The following RABGAP1L variants were observed in gnomAD, a reference collection of about 807,000 sequenced individuals.
RABGAP1L encodes the protein RAB GTPase activating protein 1 like.
RABGAP1L carries 63 observed loss-of-function variants against 137.7 expected under a neutral mutation model. The observed-to-expected ratio is 0.46, with a 90% CI of 0.37 to 0.56. The LOEUF (loss-of-function observed/expected upper bound fraction) is 0.56. RABGAP1L is among the 20% of genes least tolerant of loss of function. The pLI is 0.00. For missense variants in RABGAP1L, 1,095 were observed against 1,244.0 expected (o/e 0.88, Z 1.80); for synonymous variants, 431 against 433.7 (o/e 0.99, Z 0.08).
intron 17 of RABGAP1L, among the ~76,000 whole-genome samples, chr1:174,720,767 G>A (rs1681464635): frequency 1.3e-5 from 2 of 152,304 alleles, no homozygotes; most frequent in South Asian, 2.1e-4. Flanking sequence ...AGAGAGGAGG[G>A]ATTGACGAGT....
At chr1:174,180,086 C>T (rs75087784) in intron 1 of RABGAP1L, among the ~76,000 whole-genome samples, 6,462 of 152,194 alleles carry the variant, frequency 0.042, 472 homozygotes, top group African/African-American at 0.15. Context: ...TTGAGATTTC[C>T]ATAAGGGATA....
chr1:174,415,261 A>C (rs1650416139), intron 13 of RABGAP1L, among the ~76,000 whole-genome samples: 1 of 152,032 alleles, frequency 6.6e-6, no homozygotes, highest in South Asian at 2.1e-4. Flanking sequence ...AAATCTTTAC[A>C]TTTTCTAGAT....
At chr1:174,931,365 C>T (rs995755583) in intron 19 of RABGAP1L, among the ~76,000 whole-genome samples, 1 of 152,240 alleles carries the variant, frequency 6.6e-6, no homozygotes, top group African/African-American at 2.4e-5. Context: ...GAAGTCATTC[C>T]TTATGACTTC....
At chr1:174,250,996 TC>T (rs1470016718) in intron 6 of RABGAP1L, among the ~76,000 whole-genome samples, 2 of 152,360 alleles carry the variant, frequency 1.3e-5, no homozygotes, top group African/African-American at 4.8e-5. Context: ...AGACGGGGTT[TC>T]ACCCCGTTGG....
At chr1:174,162,753 C>CTTTTTT (rs971302832) in intron 1 of RABGAP1L, among the ~76,000 whole-genome samples, 5 of 37,158 alleles carry the variant, frequency 1.3e-4, no homozygotes, top group South Asian at 8.8e-4. Flanking sequence ...GCTGGTATTT[C>CTTTTTT]TTTTTTTTTT....
chr1:174,808,286 C>T (rs896013227), intron 18 of RABGAP1L, among the ~76,000 whole-genome samples: 2 of 151,762 alleles, frequency 1.3e-5, no homozygotes, highest in African/African-American at 4.8e-5. Context: ...CGTGCCCAGC[C>T]AAAAAAGAAT....
intron 14 of RABGAP1L, among the ~76,000 whole-genome samples, chr1:174,657,037 C>T (rs1676022192): frequency 6.6e-6 from 1 of 152,158 alleles, no homozygotes; most frequent in Admixed American, 6.6e-5. Context: ...GAGCATTGCT[C>T]TCTAAGTTCT....
intron 13 of RABGAP1L, among the ~76,000 whole-genome samples, chr1:174,572,498 T>C (rs1224359214): frequency 6.6e-6 from 1 of 152,120 alleles, no homozygotes; most frequent in Non-Finnish European, 1.5e-5. Flanking sequence ...CAATTCTATC[T>C]CAGCCTCCTG....
intron 14 of RABGAP1L, among the ~76,000 whole-genome samples, chr1:174,669,752 A>G (rs1345393930): frequency 6.6e-6 from 1 of 152,136 alleles, no homozygotes; most frequent in Non-Finnish European, 1.5e-5. Flanking sequence ...TCCACATTGT[A>G]TGTTCTTAGT....
chr1:174,743,947 AAAGG>A (rs1273717103), intron 17 of RABGAP1L, among the ~76,000 whole-genome samples: 2 of 151,622 alleles, frequency 1.3e-5, no homozygotes, highest in African/African-American at 4.8e-5. Flanking sequence ...AAGCTAGAGG[AAAGG>A]AAGGGTGGGA....
At chr1:174,915,941 T>C (rs1162062914) in intron 19 of RABGAP1L, among the ~76,000 whole-genome samples, 2 of 152,154 alleles carry the variant, frequency 1.3e-5, no homozygotes, top group Non-Finnish European at 2.9e-5. Flanking sequence ...TTTTTTTCTT[T>C]TATGGATTAT....
chr1:174,689,086 G>GT (rs1158562740), intron 15 of RABGAP1L, among the ~76,000 whole-genome samples: 1 of 151,820 alleles, frequency 6.6e-6, no homozygotes, highest in Non-Finnish European at 1.5e-5. Flanking sequence ...TCCTTTGTAA[G>GT]TTTTTTTAGT....
At chr1:174,491,362 C>T (rs539578838) in intron 13 of RABGAP1L, among the ~76,000 whole-genome samples, 2 of 152,164 alleles carry the variant, frequency 1.3e-5, no homozygotes, top group East Asian at 3.9e-4. Context: ...TCTCAAAATA[C>T]TTTCTGGGAG....
intron 18 of RABGAP1L, among the ~76,000 whole-genome samples, chr1:174,788,729 T>A (rs538037919): frequency 6.6e-6 from 1 of 152,268 alleles, no homozygotes; most frequent in African/African-American, 2.4e-5. Flanking sequence ...TTGGACACAT[T>A]GGGATGAAGT....
intron 19 of RABGAP1L, among the ~76,000 whole-genome samples, chr1:174,947,214 T>C (rs1429178457): frequency 8.8e-6 from 1 of 113,966 alleles, no homozygotes; most frequent in Non-Finnish European, 1.6e-5. Context: ...ATTTTTTTCT[T>C]TTTTTTTTTT....
chr1:174,349,943 G>A, intron 11 of RABGAP1L, among the ~76,000 whole-genome samples: 1 of 137,500 alleles, frequency 7.3e-6, no homozygotes, highest in South Asian at 2.4e-4. Flanking sequence ...GGACGGGGCG[G>A]CTGGCCGGGT....
intron 13 of RABGAP1L, among the ~76,000 whole-genome samples, chr1:174,522,134 G>A (rs191388622): frequency 1.4e-4 from 21 of 152,104 alleles, no homozygotes; most frequent in South Asian, 8.3e-4. Context: ...CATACAGCTA[G>A]GCCGTCATAC....
intron 10 of RABGAP1L, among the ~76,000 whole-genome samples, chr1:174,297,040 A>G (rs1463668723): frequency 6.6e-6 from 1 of 152,242 alleles, no homozygotes; most frequent in Non-Finnish European, 1.5e-5. Flanking sequence ...AGGCAAAACA[A>G]TGATAAGACA....
intron 15 of RABGAP1L, among the ~76,000 whole-genome samples, chr1:174,691,787 G>A (rs530183835): frequency 5.3e-4 from 81 of 152,112 alleles, no homozygotes; most frequent in African/African-American, 1.8e-3. Context: ...ATTCTATGAA[G>A]CATTAATCAT....
Sources: allele counts gnomAD v4.1 joint callset (sites outside exome capture counted in the v4.1 genomes callset), GRCh38; gene constraint gnomAD v4.1.1; transcripts MANE v1.5; gene names NCBI Gene and HGNC (gene_info 2026-07-23, HGNC 2026-07-21).